Variants in SLC25A21 observed in about 807,000 individuals in gnomAD.
SLC25A21 encodes the protein solute carrier family 25 member 21, also known as mitochondrial 2-oxodicarboxylate carrier.
SLC25A21 carries 47 observed loss-of-function variants against 43.8 expected under a neutral mutation model. The ratio of observed to expected loss-of-function variants is 1.07; its 90% CI spans 0.85 to 1.37. The LOEUF is 1.37. SLC25A21 is among the 40% of genes most tolerant of loss of function. The pLI, the probability that SLC25A21 is intolerant of heterozygous loss-of-function variation, is 0.00. For synonymous variants in SLC25A21, 131 were observed against 121.3 expected, an observed-to-expected ratio of 1.08 and a Z score of -0.52; for missense variants, 352 against 350.2, an observed-to-expected ratio of 1.00 and a Z score of -0.04.
chr14:37,011,631 C>T (rs1960734426), intron 1 of SLC25A21, among the ~76,000 whole-genome samples: 1 of 152,168 alleles, frequency 6.6e-6, no homozygotes, highest in East Asian at 1.9e-4. Flanking sequence ...ACATCATCAT[C>T]ACCATCACTA....
intron 2 of SLC25A21, among the ~76,000 whole-genome samples, chr14:36,868,381 T>C (rs776697146): frequency 2.0e-5 from 3 of 152,178 alleles, no homozygotes; most frequent in Non-Finnish European, 4.4e-5. Flanking sequence ...ATAACTGCCA[T>C]ATGTACAGCT....
intron 1 of SLC25A21, among the ~76,000 whole-genome samples, chr14:36,886,001 A>C (rs1154129): frequency 0.8 from 122,241 of 152,098 alleles, 49,797 homozygotes; most frequent in Non-Finnish European, 0.87. Context: ...AGTCTTTAAA[A>C]CATAAAAAAA....
At chr14:36,725,793 T>A (rs530811046) in intron 5 of SLC25A21, 116 bp from the exon 6 acceptor site, 41 of 474,254 alleles carry the variant, frequency 8.6e-5, no homozygotes, top group Non-Finnish European at 1.3e-4. Context: ...GAAACCTACA[T>A]AAACGCACCA....
intron 9 of SLC25A21, among the ~76,000 whole-genome samples, chr14:36,682,454 A>T (rs1361044264): frequency 1.3e-5 from 2 of 152,176 alleles, no homozygotes; most frequent in Non-Finnish European, 2.9e-5. Context: ...AAGCCAGCCA[A>T]ACATTTGCAA....
intron 1 of SLC25A21, among the ~76,000 whole-genome samples, chr14:37,062,243 T>C (rs575509519): frequency 2.0e-5 from 3 of 152,262 alleles, no homozygotes; most frequent in South Asian, 2.1e-4. Context: ...TCTACAGGCA[T>C]TGGAAGTCAG....
At chr14:36,707,723 C>A (rs10138134) in intron 7 of SLC25A21, among the ~76,000 whole-genome samples, 23,268 of 152,200 alleles carry the variant, frequency 0.15, 2,819 homozygotes, top group East Asian at 0.47. Context: ...TTGTGATTTA[C>A]AATTGTTAAT....
At chr14:36,892,387 C>G (rs868164601) in intron 1 of SLC25A21, among the ~76,000 whole-genome samples, 5 of 152,148 alleles carry the variant, frequency 3.3e-5, no homozygotes, top group South Asian at 2.1e-4. Context: ...AAGTGCCCAT[C>G]AGTAGATGAA....
At chr14:36,907,598 T>TG (rs1891571062) in intron 1 of SLC25A21, among the ~76,000 whole-genome samples, 1 of 152,112 alleles carries the variant, frequency 6.6e-6, no homozygotes, top group Non-Finnish European at 1.5e-5. Flanking sequence ...CTTGAGCTTG[T>TG]GGTATATAAT....
In SLC25A21 at chr14:36,701,864, C is replaced by G. The variant is rs545533716; in HGVS notation, c.603+9454G>C. On this transcript the variant is annotated intron_variant, in intron 7 of 9. Transcript: ENST00000331299. ...ATAAAGGCACTGACCCCAAGGAAAACTAGCAAGCCAGGTTCCCAAAACAAA... is the reference window on the plus strand; with the variant it reads ...ATAAAGGCACTGACCCCAAGGAAAAGTAGCAAGCCAGGTTCCCAAAACAAA... Among the ~76,000 whole-genome samples, 5 of 152,250 alleles carry G rather than the reference C, an allele frequency of 3.3e-5. No homozygotes were observed. The East Asian group carries it at 9.7e-4, about 29-fold the overall frequency.
chr14:37,021,959 G>A (rs1330883504), intron 1 of SLC25A21, among the ~76,000 whole-genome samples: 1 of 151,846 alleles, frequency 6.6e-6, no homozygotes, highest in Non-Finnish European at 1.5e-5. Flanking sequence ...TATTTAAATG[G>A]TCTAGAGCAT....
intron 7 of SLC25A21, among the ~76,000 whole-genome samples, chr14:36,704,385 G>A (rs1883407799): frequency 6.6e-6 from 1 of 152,178 alleles, no homozygotes; most frequent in Non-Finnish European, 1.5e-5. Context: ...AAGACTGGGT[G>A]CGGTGGCTAA....
At chr14:36,935,689 TA>T (rs11326456) in intron 1 of SLC25A21, among the ~76,000 whole-genome samples, 104,086 of 151,806 alleles carry the variant, frequency 0.69, 36,188 homozygotes, top group Admixed American at 0.72. Context: ...CTTGCAAATC[TA>T]AGCAAAGGAA....
chr14:36,784,573 A>G (rs1887183762), intron 3 of SLC25A21, among the ~76,000 whole-genome samples: 1 of 152,196 alleles, frequency 6.6e-6, no homozygotes, highest in Non-Finnish European at 1.5e-5. Flanking sequence ...AGTTAAGAGC[A>G]GTAACCTTAG....
At chr14:37,167,462 T>C (rs993898459) in intron 1 of SLC25A21, among the ~76,000 whole-genome samples, 1 of 151,202 alleles carries the variant, frequency 6.6e-6, no homozygotes, top group African/African-American at 2.4e-5. Context: ...CCTTGTTCAT[T>C]CCTGGGTATA....
At chr14:36,771,847 T>C (rs1245065934) in intron 3 of SLC25A21, among the ~76,000 whole-genome samples, 5 of 152,098 alleles carry the variant, frequency 3.3e-5, no homozygotes, top group African/African-American at 9.7e-5. Context: ...ATTGAATACA[T>C]CTGAGCTTTA....
chr14:36,915,904 A>T (rs1316577839), intron 1 of SLC25A21, among the ~76,000 whole-genome samples: 1 of 152,134 alleles, frequency 6.6e-6, no homozygotes, highest in Admixed American at 6.6e-5. Context: ...TAACCTAATC[A>T]GCATCTCTAA....
chr14:36,843,085 G>T (rs759725389), intron 2 of SLC25A21, among the ~76,000 whole-genome samples: 14 of 152,194 alleles, frequency 9.2e-5, no homozygotes, highest in Non-Finnish European at 1.8e-4. Flanking sequence ...TCTGACAGGA[G>T]ATACAGCTCA....
At chr14:37,155,439 A>AACAATACCTAGGAAGAT (rs960383471) in intron 1 of SLC25A21, among the ~76,000 whole-genome samples, 2 of 152,216 alleles carry the variant, frequency 1.3e-5, no homozygotes, top group African/African-American at 4.8e-5. Flanking sequence ...CAGGTGGCTC[A>AACAATACCTAGGAAGAT]ACAATACCTA....
At chr14:37,053,377 G>C (rs966432091) in intron 1 of SLC25A21, among the ~76,000 whole-genome samples, 6 of 152,130 alleles carry the variant, frequency 3.9e-5, no homozygotes, top group African/African-American at 7.2e-5. Flanking sequence ...TTACTAGAGA[G>C]ACATCAACTT....
Sources: allele counts gnomAD v4.1 joint callset (sites outside exome capture counted in the v4.1 genomes callset), GRCh38; gene constraint gnomAD v4.1.1; transcripts MANE v1.5; gene names NCBI Gene and HGNC (gene_info 2026-07-23, HGNC 2026-07-21).